The following DRC2 variants were observed in gnomAD, a reference collection of about 807,000 sequenced individuals.
DRC2 encodes the protein dynein regulatory complex subunit 2, also known as coiled-coil domain containing 65.
At chr12:48,912,168 G>A in the DRC2 span, among the ~76,000 whole-genome samples, 123 of 152,222 alleles carry the variant, frequency 8.1e-4, no homozygotes, top group Middle Eastern at 3.4e-3. Context: ...GGCTGAGGCA[G>A]GAGAATCACT....
chr12:48,905,185 A>G, the DRC2 span: 1 of 1,315,546 alleles, frequency 7.6e-7, no homozygotes, highest in Non-Finnish European at 1.0e-6. Flanking sequence ...TAGTGAATCC[A>G]TCTTAAAGCC....
chr12:48,905,148 C>G, the DRC2 span: 2 of 1,535,896 alleles, frequency 1.3e-6, no homozygotes, highest in Non-Finnish European at 1.8e-6. Flanking sequence ...TTGAGTATGG[C>G]TTCCTGACCT....
the DRC2 span, among the ~76,000 whole-genome samples, chr12:48,920,587 T>A: frequency 2.7e-5 from 4 of 146,914 alleles, no homozygotes; most frequent in South Asian, 9.4e-4. Flanking sequence ...GGTGGCACCA[T>A]CTCGTCTCAC....
At chr12:48,912,454 A>AAAAAAAAAAAAAAAAAAAC in the DRC2 span, among the ~76,000 whole-genome samples, 1 of 149,870 alleles carries the variant, frequency 6.7e-6, no homozygotes, top group African/African-American at 2.5e-5. Flanking sequence ...AAAAAAAAAA[A>AAAAAAAAAAAAAAAAAAAC]AAAAAATTCA....
the DRC2 span, among the ~76,000 whole-genome samples, chr12:48,905,371 T>C: frequency 5.3e-5 from 8 of 152,302 alleles, no homozygotes; most frequent in African/African-American, 1.9e-4. Flanking sequence ...ACAGTAGACA[T>C]CACCCAGTGA....
the DRC2 span, chr12:48,904,346 A>G: frequency 6.2e-7 from 1 of 1,613,342 alleles, no homozygotes; most frequent in African/African-American, 1.3e-5. Flanking sequence ...CATGCCTAAG[A>G]AAGAAAAAAT....
At chr12:48,907,543 A>G in the DRC2 span, among the ~76,000 whole-genome samples, 1 of 152,290 alleles carries the variant, frequency 6.6e-6, no homozygotes, top group South Asian at 2.1e-4. Context: ...GAGACTACAC[A>G]TATTAAATGT....
At chr12:48,913,925 CTTTTTTT>C in the DRC2 span, among the ~76,000 whole-genome samples, 1 of 95,980 alleles carries the variant, frequency 1.0e-5, no homozygotes, top group African/African-American at 4.0e-5. Flanking sequence ...CGTGCCCAGT[CTTTTTTT>C]TTTTTTTTTT....
chr12:48,908,793 G>A, the DRC2 span, among the ~76,000 whole-genome samples: 2 of 151,362 alleles, frequency 1.3e-5, no homozygotes, highest in Non-Finnish European at 2.9e-5. Flanking sequence ...TAGAGATGGG[G>A]TCTCACCACA....
chr12:48,913,803 T>G, the DRC2 span, among the ~76,000 whole-genome samples: 1 of 152,090 alleles, frequency 6.6e-6, no homozygotes, highest in East Asian at 1.9e-4. Context: ...CATTTTTGTA[T>G]TTTTAGTAGA....
At chr12:48,917,301 A>G in the DRC2 span, among the ~76,000 whole-genome samples, 126 of 83,354 alleles carry the variant, frequency 1.5e-3, no homozygotes, top group African/African-American at 5.5e-3. Context: ...CGGCCCCCCC[A>G]AAAAAGAAAG....
chr12:48,921,570 G>A, the DRC2 span: 9 of 1,456,008 alleles, frequency 6.2e-6, no homozygotes, highest in East Asian at 1.5e-4. Flanking sequence ...AATTTCCATG[G>A]AGTTTATGAG....
chr12:48,916,032 T>C, the DRC2 span, among the ~76,000 whole-genome samples: 3 of 137,650 alleles, frequency 2.2e-5, no homozygotes, highest in Admixed American at 7.3e-5. Flanking sequence ...CCTCACTTCC[T>C]AGATGTGATG....
the DRC2 span, among the ~76,000 whole-genome samples, chr12:48,913,056 A>T: frequency 2.8e-5 from 4 of 143,990 alleles, no homozygotes; most frequent in African/African-American, 1.1e-4. Context: ...AATCGTTTGA[A>T]CCTGGGAGGC....
chr12:48,904,544 T>C, the DRC2 span: 1 of 1,527,942 alleles, frequency 6.5e-7, no homozygotes, highest in Non-Finnish European at 8.8e-7. Context: ...GGAAACCTCA[T>C]TTTCATCCTG....
the DRC2 span, chr12:48,918,365 A>C: frequency 6.2e-7 from 1 of 1,614,242 alleles, no homozygotes; most frequent in African/African-American, 1.3e-5. Context: ...CAAGAATTAC[A>C]CTGATGCCAC....
the DRC2 span, chr12:48,921,141 AC>A: frequency 3.1e-6 from 5 of 1,612,120 alleles, no homozygotes; most frequent in Non-Finnish European, 4.2e-6. Flanking sequence ...CTCGCTGCAC[AC>A]CTTCTCCCTG....
chr12:48,908,916 T>G, the DRC2 span, among the ~76,000 whole-genome samples: 11 of 151,972 alleles, frequency 7.2e-5, no homozygotes, highest in East Asian at 2.1e-3. Context: ...AGCAGAAATC[T>G]AATCCTGTCA....
chr12:48,919,536 CG>C, the DRC2 span, among the ~76,000 whole-genome samples: 1 of 146,654 alleles, frequency 6.8e-6, no homozygotes, highest in Non-Finnish European at 1.5e-5. Context: ...TTTTTTGAGA[CG>C]AAGTTTTATT....
Sources: allele counts gnomAD v4.1 joint callset (sites outside exome capture counted in the v4.1 genomes callset), GRCh38; gene constraint gnomAD v4.1.1; transcripts MANE v1.5; gene names NCBI Gene and HGNC (gene_info 2026-07-23, HGNC 2026-07-21).